FARS2: variants seen among roughly 807,000 people sequenced by gnomAD.
The protein encoded by FARS2 is phenylalanine--tRNA ligase, mitochondrial.
FARS2 carries 40 observed loss-of-function variants against 46.4 expected under a neutral mutation model. That is an observed-to-expected ratio of 0.86 (90% confidence interval 0.67 to 1.12). The LOEUF (loss-of-function observed/expected upper bound fraction) is 1.12. Ranked by LOEUF, FARS2 falls within the 50% of genes most tolerant of loss-of-function variation. The probability of loss-of-function intolerance (pLI) is 0.00; values close to 1 mark genes in which losing one functional copy is unlikely to be tolerated. For missense variants in FARS2, 513 were observed against 567.9 expected (o/e 0.90, Z 0.98); for synonymous variants, 234 against 214.9 (o/e 1.09, Z -0.78).
At chr6:5,260,561 G>C (rs542524030), upstream of FARS2, 106 of 1,503,400 alleles carry the variant, frequency 7.1e-5, 1 homozygote, top group South Asian at 1.1e-3. Flanking sequence ...GTGGCTCCCA[G>C]TCCCCGGGGA....
At chr6:5,716,956 A>G (rs1023605434) in intron 6 of FARS2, among the ~76,000 whole-genome samples, 2 of 152,222 alleles carry the variant, frequency 1.3e-5, no homozygotes, top group Non-Finnish European at 2.9e-5. Context: ...ATGTTGAAGC[A>G]TGGACAACCA....
intron 6 of FARS2, among the ~76,000 whole-genome samples, chr6:5,693,597 C>T (rs1478859829): frequency 6.6e-6 from 1 of 152,094 alleles, no homozygotes; most frequent in Admixed American, 6.6e-5. Context: ...TAACAAACTG[C>T]CTCAAAACTT....
Position 5,634,395 on chromosome 6 carries a change from C to T in FARS2, c.1217+21075C>T, listed in dbSNP as rs143328179. The stretch of plus-strand genomic sequence containing the variant: ...ACAGTTCACTGCAGCCTTGACCTTC[C>T]GGGCTCAAGCAAGCCTCCTGTGTCA... On this transcript the variant is annotated intron_variant, in intron 6 of 6. Coordinates refer to ENST00000274680, the MANE Select transcript of FARS2 (RefSeq NM_006567.5). Among the ~76,000 whole-genome samples the T allele has an allele frequency of 4.6e-3, 696 of 152,290 alleles. 4 individuals carry two copies. The highest frequency in any genetic ancestry group is 0.016 in the African/African-American group (670 of 41,554).
chr6:5,337,051 G>T (rs528765242), intron 1 of FARS2, among the ~76,000 whole-genome samples: 34 of 149,624 alleles, frequency 2.3e-4, no homozygotes, highest in Admixed American at 6.7e-4. Flanking sequence ...CACATGACAG[G>T]AAGTAAATAT....
intron 4 of FARS2, among the ~76,000 whole-genome samples, chr6:5,500,122 C>T (rs1377082681): frequency 2.0e-5 from 3 of 152,156 alleles, no homozygotes; most frequent in Non-Finnish European, 1.5e-5. Flanking sequence ...CACTTGCCAT[C>T]GTTTAAGAAG....
chr6:5,331,314 T>C (rs1035199463), intron 1 of FARS2, among the ~76,000 whole-genome samples: 48 of 152,172 alleles, frequency 3.2e-4, no homozygotes, highest in Admixed American at 3.1e-3. Context: ...AGTTTTAAAG[T>C]GCTATGTGTT....
intron 2 of FARS2, among the ~76,000 whole-genome samples, chr6:5,394,774 T>C (rs1392921893): frequency 6.6e-6 from 1 of 151,880 alleles, no homozygotes; most frequent in African/African-American, 2.4e-5. Context: ...AGTGTTTTTT[T>C]TTAAAAAAAA....
intron 5 of FARS2, among the ~76,000 whole-genome samples, chr6:5,554,962 C>T (rs1445120318): frequency 2.0e-5 from 3 of 152,072 alleles, no homozygotes; most frequent in Non-Finnish European, 4.4e-5. Flanking sequence ...TCAAGAGACA[C>T]TTATTAAATA....
intron 4 of FARS2, among the ~76,000 whole-genome samples, chr6:5,511,031 G>A (rs957796397): frequency 2.0e-5 from 3 of 152,156 alleles, no homozygotes; most frequent in Non-Finnish European, 4.4e-5. Context: ...AGCTCAGAGG[G>A]GACTGAGCTT....
rs573717140 is a variant in FARS2, at chr6:5,380,794, G to A, written c.612+11612G>A. On this transcript the variant is annotated intron_variant, in intron 2 of 6. Transcript: ENST00000274680. ...TGTGTCATCTCCCTGACTCATCCTG[G>A]GATAGGTCTCTGCAAAATTGTAAAC... Among the ~76,000 whole-genome samples, 3 of 152,086 alleles carry A rather than the reference G, an allele frequency of 2.0e-5. No individual in the cohort carries two copies. The South Asian group carries it at 6.2e-4, about 32-fold the overall frequency.
chr6:5,259,558 C>T (rs1260627740), upstream of FARS2, among the ~76,000 whole-genome samples: 2 of 151,920 alleles, frequency 1.3e-5, no homozygotes, highest in African/African-American at 4.8e-5. Context: ...CTTAGCGTTC[C>T]TGTCCTCTGA....
chr6:5,494,737 CAT>C (rs1767346456), intron 4 of FARS2, among the ~76,000 whole-genome samples: 1 of 152,168 alleles, frequency 6.6e-6, no homozygotes, highest in Non-Finnish European at 1.5e-5. Flanking sequence ...CACAAGTTCA[CAT>C]GTTTGAGGAA....
intron 1 of FARS2, among the ~76,000 whole-genome samples, chr6:5,296,353 G>A (rs12199351): frequency 0.51 from 77,147 of 151,594 alleles, 20,403 homozygotes; most frequent in African/African-American, 0.63. Flanking sequence ...GTGTTAGCCA[G>A]GATGGTCTCG....
intron 1 of FARS2, among the ~76,000 whole-genome samples, chr6:5,301,816 C>T (rs12183592): frequency 8.6e-6 from 1 of 115,962 alleles, no homozygotes; most frequent in African/African-American, 6.1e-5. Flanking sequence ...CACACACACA[C>T]ACACACACAC....
intron 6 of FARS2, among the ~76,000 whole-genome samples, chr6:5,747,690 C>A (rs1381348375): frequency 6.6e-6 from 1 of 152,194 alleles, no homozygotes; most frequent in Non-Finnish European, 1.5e-5. Flanking sequence ...CCAGCAGCCC[C>A]TGCAGTGAGG....
At chr6:5,667,058 G>A (rs1472408892) in intron 6 of FARS2, among the ~76,000 whole-genome samples, 1 of 152,156 alleles carries the variant, frequency 6.6e-6, no homozygotes, top group Non-Finnish European at 1.5e-5. Flanking sequence ...TCGGAGGGTG[G>A]AGGGTGGGAA....
At chr6:5,301,411 A>G (rs559497476) in intron 1 of FARS2, among the ~76,000 whole-genome samples, 1 of 152,228 alleles carries the variant, frequency 6.6e-6, no homozygotes, top group East Asian at 1.9e-4. Context: ...TGATCGTGCC[A>G]CTGTACTGTA....
At chr6:5,441,418 T>G (rs1763837357) in intron 4 of FARS2, among the ~76,000 whole-genome samples, 1 of 152,224 alleles carries the variant, frequency 6.6e-6, no homozygotes, top group South Asian at 2.1e-4. Flanking sequence ...AATTTTGTAT[T>G]ATTACCTTGA....
chr6:5,553,446 T>C (rs1432576829), intron 5 of FARS2, among the ~76,000 whole-genome samples: 2 of 152,218 alleles, frequency 1.3e-5, no homozygotes, highest in East Asian at 3.8e-4. Context: ...CTTGCAGTGT[T>C]ATACGTGAGA....
Sources: allele counts gnomAD v4.1 joint callset (sites outside exome capture counted in the v4.1 genomes callset), GRCh38; gene constraint gnomAD v4.1.1; transcripts MANE v1.5; gene names NCBI Gene and HGNC (gene_info 2026-07-23, HGNC 2026-07-21).